Variants in PRKCI observed in about 807,000 individuals in gnomAD.
PRKCI encodes the protein protein kinase C iota type.
PRKCI carries 43 observed loss-of-function variants against 84.0 expected under a neutral mutation model. The ratio of observed to expected loss-of-function variants is 0.51; its 90% CI spans 0.40 to 0.66. The LOEUF is 0.66. Among genes scored for constraint, PRKCI ranks in the 30% least tolerant of loss-of-function variants. The pLI, the probability that PRKCI is intolerant of heterozygous loss-of-function variation, is 0.00. For missense variants in PRKCI, 459 were observed against 745.6 expected (o/e 0.62, Z 4.48); for synonymous variants, 216 against 234.4 (o/e 0.92, Z 0.72).
At chr3:170,299,533 A>G (rs149479442) in intron 17 of PRKCI, among the ~76,000 whole-genome samples, 33 of 152,326 alleles carry the variant, frequency 2.2e-4, no homozygotes, top group Non-Finnish European at 4.3e-4. Flanking sequence ...GGCCTATACT[A>G]TAATTTATAC....
intron 6 of PRKCI, among the ~76,000 whole-genome samples, chr3:170,270,938 G>A (rs1159287808): frequency 6.6e-6 from 1 of 151,410 alleles, no homozygotes; most frequent in Admixed American, 6.6e-5. Flanking sequence ...AGAGTCAAAG[G>A]TATCATGTTT....
At chr3:170,301,403 TTC>T (rs1318141681) in intron 17 of PRKCI, among the ~76,000 whole-genome samples, 2 of 152,204 alleles carry the variant, frequency 1.3e-5, no homozygotes, top group Non-Finnish European at 2.9e-5. Context: ...TGAGCTGCAT[TTC>T]TGTTTAACAC....
intron 12 of PRKCI, among the ~76,000 whole-genome samples, chr3:170,287,658 C>G (rs1180668048): frequency 2.6e-5 from 4 of 151,778 alleles, no homozygotes; most frequent in African/African-American, 9.7e-5. Context: ...CACCTGTAAT[C>G]TCAGCACTTT....
chr3:170,226,919 A>G (rs1012841159), intron 1 of PRKCI, among the ~76,000 whole-genome samples: 1 of 152,206 alleles, frequency 6.6e-6, no homozygotes, highest in Admixed American at 6.5e-5. Flanking sequence ...AACCCAAACC[A>G]AACACAAAAA....
In PRKCI at chr3:170,247,263, C is replaced by T. The variant is rs1042250311; in HGVS notation, c.223+11912C>T. 2.0e-5 allele frequency among the ~76,000 whole-genome samples: 3 copies of T among 151,708 alleles called. No individual in the cohort carries two copies. The East Asian group carries it at 5.9e-4, about 30-fold the overall frequency. On this transcript the variant is annotated intron_variant, in intron 2 of 17. Transcript: ENST00000295797. ...TAGAGATGGGATCTTGCTATGTTGCCCAGGCTGGTCTTGAACTCTTGGACT... is the reference window on the plus strand; with the variant it reads ...TAGAGATGGGATCTTGCTATGTTGCTCAGGCTGGTCTTGAACTCTTGGACT...
intron 2 of PRKCI, among the ~76,000 whole-genome samples, chr3:170,246,966 T>C (rs923377826): frequency 2.0e-5 from 3 of 152,228 alleles, no homozygotes; most frequent in Non-Finnish European, 2.9e-5. Flanking sequence ...TTGTTTTTTT[T>C]TCTCGTTCAG....
chr3:170,235,236 C>G lies in PRKCI; in HGVS notation c.108C>G (p.Ile36Met). 6.2e-7 allele frequency: 1 copy of G among 1,613,376 alleles called. No homozygotes were observed. Among genetic ancestry groups the G allele is most frequent in the South Asian group, 1.1e-5 (1 of 91,052 alleles). ...VRVKAYYRGD[I>M]MITHFEPSIS... is the part of the protein sequence containing the mutation. ...AACTCCTTTTCTTTTTCAGGGATAT[C>G]ATGATAACACATTTTGAACCTTCCA... is the stretch of plus-strand genomic sequence containing the variant. The change falls in exon 2 of 18, where the codon ATC becomes ATG. Residue 36 changes from isoleucine to methionine, a missense_variant. Ile to Met is a conservative substitution (Grantham distance 10). Coordinates refer to ENST00000295797, the MANE Select transcript of PRKCI (RefSeq NM_002740.6).
rs531077393 is a variant in PRKCI at position 170,269,991 on chromosome 3, C to T, written c.451-430C>T. On this transcript the variant is annotated intron_variant, in intron 5 of 17. Transcript: ENST00000295797. ...AAAAAGAAAGAAAAGAAGAAGAAGGCGGCTTTGAAATGAGAAGTCACTTTA... is the reference window on the plus strand; with the variant it reads ...AAAAAGAAAGAAAAGAAGAAGAAGGTGGCTTTGAAATGAGAAGTCACTTTA... Among the ~76,000 whole-genome samples, 437 of 151,624 alleles carry T rather than the reference C, an allele frequency of 2.9e-3. 1 individual carries two copies. The highest frequency in any genetic ancestry group is 9.2e-3 in the African/African-American group (383 of 41,406).
chr3:170,269,967 A>G (rs9857051), intron 5 of PRKCI, among the ~76,000 whole-genome samples: 7,066 of 152,060 alleles, frequency 0.046, 540 homozygotes, highest in African/African-American at 0.16. Context: ...TCAAAAAAAA[A>G]AAAGAAAGAA....
At position 170,303,421 on chromosome 3, in the gene PRKCI, A is replaced by AG. The variant is rs1734872492; in HGVS notation, c.*294_*295insG. The AG allele has an allele frequency of 7.6e-6, 2 of 263,052 alleles. No homozygotes were observed. The highest frequency in any genetic ancestry group is 1.4e-5 in the Non-Finnish European group (2 of 139,910). The allele number at this position is 263,052 out of a possible 1,614,324, so 16.3% of individuals were successfully genotyped here. A position where few individuals can be genotyped will look rare whatever the true frequency, so the allele number is the denominator to read the frequency against. ...TCTTTTTTGTTTAAAAAAAAAAAAA[A>AG]CACTGCATTAAAAAAGTATCTGTTG... is the stretch of plus-strand genomic sequence containing the variant. On this transcript the variant is annotated 3_prime_UTR_variant, in exon 18 of 18. Transcript: ENST00000295797.
chr3:170,252,468 A>G (rs1733477149), intron 2 of PRKCI, among the ~76,000 whole-genome samples: 1 of 152,230 alleles, frequency 6.6e-6, no homozygotes, highest in African/African-American at 2.4e-5. Context: ...TCAAGCATTT[A>G]TCATTTATTT....
intron 2 of PRKCI, among the ~76,000 whole-genome samples, chr3:170,250,838 A>G (rs892538863): frequency 7.9e-5 from 12 of 152,178 alleles, no homozygotes; most frequent in African/African-American, 2.7e-4. Flanking sequence ...CAATTTCTCT[A>G]TATACACTTA....
At chr3:170,264,083 T>C (rs941736780) in intron 4 of PRKCI, among the ~76,000 whole-genome samples, 1 of 152,196 alleles carries the variant, frequency 6.6e-6, no homozygotes, top group Non-Finnish European at 1.5e-5. Flanking sequence ...ATTTACCAAT[T>C]TTTAACGTTT....
Position 170,270,443 on chromosome 3 carries a change from C to G in PRKCI, c.473C>G (p.Thr158Arg), listed in dbSNP as rs752691470. 1.9e-6 allele frequency: 3 copies of G among 1,613,304 alleles called. No individual in the cohort carries two copies. Among genetic ancestry groups the G allele is most frequent in the African/African-American group, 1.3e-5 (1 of 74,988 alleles). ...FNRRAHCAIC[T>R]DRIWGLGRQG... ...CAGCGTGCTCACTGTGCCATCTGCA[C>G]AGACCGAATATGGGGACTTGGACGC... The change falls in exon 6 of 18, where the codon ACA becomes AGA. Residue 158 changes from threonine to arginine, a missense_variant. This residue lies in a region of PRKCI where 250 missense variants were observed against 319.7 expected (regional missense o/e 0.78). Transcript: ENST00000295797.
Position 170,228,602 on chromosome 3 carries a change from A to AATAT in PRKCI, c.101+5844_101+5847dup, listed in dbSNP as rs549146564. On this transcript the variant is annotated intron_variant, in intron 1 of 17. Coordinates refer to ENST00000295797, the MANE Select transcript of PRKCI (RefSeq NM_002740.6). Reference sequence around the variant, plus strand: ...ACACACACAGACATACACACACACAAATATATATATATATACACACACACA... The same window carrying AATAT: ...ACACACACAGACATACACACACACAAATATATATATATATATATACACACACACA... Among the ~76,000 whole-genome samples, 196 of 130,634 alleles carry AATAT rather than the reference A, an allele frequency of 1.5e-3. 1 individual carries two copies. The highest frequency in any genetic ancestry group is 5.1e-3 in the African/African-American group (175 of 34,250). 85.7% of individuals were successfully genotyped at this position (130,634 alleles called of 152,430 possible).
At chr3:170,278,497 T>G (rs1734171007) in intron 8 of PRKCI, among the ~76,000 whole-genome samples, 2 of 152,100 alleles carry the variant, frequency 1.3e-5, no homozygotes, top group South Asian at 4.1e-4. Flanking sequence ...CTACAAAAAA[T>G]AAATAAAAAT....
intron 2 of PRKCI, among the ~76,000 whole-genome samples, chr3:170,259,721 G>A (rs562925873): frequency 3.3e-5 from 5 of 152,104 alleles, no homozygotes; most frequent in African/African-American, 1.2e-4. Context: ...CAGGAGAATC[G>A]CTTGAACCTG....
intron 12 of PRKCI, among the ~76,000 whole-genome samples, chr3:170,284,882 C>T (rs906661943): frequency 1.3e-5 from 2 of 152,092 alleles, no homozygotes; most frequent in African/African-American, 4.8e-5. Context: ...TAAAAATTGT[C>T]TGCAATTCCA....
At chr3:170,289,897 C>T (rs1369908036) in intron 12 of PRKCI, among the ~76,000 whole-genome samples, 1 of 149,430 alleles carries the variant, frequency 6.7e-6, no homozygotes, top group Non-Finnish European at 1.5e-5. Context: ...GGGTAACGAG[C>T]GAAACTCCAT....
Sources: gnomAD v4.1 joint callset for allele counts (sites outside exome capture counted in the v4.1 genomes callset) on GRCh38, gnomAD v4.1.1 for gene constraint, gnomAD v4.1.1 regional missense constraint, MANE v1.5 for transcripts, NCBI Gene and HGNC (gene_info 2026-07-23, HGNC 2026-07-21) for gene names.